Variants in SESTD1 observed in about 807,000 individuals in gnomAD.
SESTD1 encodes the protein SEC14 and spectrin domain containing 1.
Under a neutral mutation model 101.7 loss-of-function variants are expected in SESTD1, and 43 were observed. The observed-to-expected ratio is 0.42, with a 90% confidence interval of 0.33 to 0.55. The LOEUF (loss-of-function observed/expected upper bound fraction) is 0.55. SESTD1 is among the 20% of genes least tolerant of loss of function. SESTD1 has a pLI of 0.07. For synonymous variants in SESTD1, 283 were observed against 286.8 expected, an observed-to-expected ratio of 0.99 and a Z score of 0.13; for missense variants, 647 against 815.1, an observed-to-expected ratio of 0.79 and a Z score of 2.51.
chr2:179,158,218 T>C (rs1331254017), intron 5 of SESTD1, among the ~76,000 whole-genome samples: 1 of 152,186 alleles, frequency 6.6e-6, no homozygotes, highest in Non-Finnish European at 1.5e-5. Context: ...ATCTATGATG[T>C]TTCTTTAAGC....
At chr2:179,141,892 A>G (rs2105439454) in intron 9 of SESTD1, among the ~76,000 whole-genome samples, 1 of 152,348 alleles carries the variant, frequency 6.6e-6, no homozygotes, top group South Asian at 2.1e-4. Flanking sequence ...GGAAAAAGCC[A>G]CATACAATTA....
At chr2:179,229,853 A>C (rs2046956703) in intron 1 of SESTD1, among the ~76,000 whole-genome samples, 1 of 146,788 alleles carries the variant, frequency 6.8e-6, no homozygotes, top group Admixed American at 6.8e-5. Context: ...TCTCCCTCAA[A>C]AGGTGAAAAA....
rs183240629 is a variant in SESTD1, at chr2:179,103,479, C to G, written c.*6420G>C. ...GAAAACCTATGTTCACAAAGACTTA[C>G]GTAAGAATGGTCATAGCAGCTTTAT... On this transcript the variant is annotated 3_prime_UTR_variant, in exon 18 of 18. Coordinates refer to ENST00000428443, the MANE Select transcript of SESTD1 (RefSeq NM_178123.5). 1 of 152,120 alleles carries G rather than the reference C, an allele frequency of 6.6e-6. No homozygotes were observed. Among genetic ancestry groups the G allele is most frequent in the South Asian group, 2.1e-4 (1 of 4,820 alleles). 9.4% of individuals were successfully genotyped at this position (152,120 alleles called of 1,614,324 possible).
intron 1 of SESTD1, among the ~76,000 whole-genome samples, chr2:179,256,647 C>T (rs2047397832): frequency 6.6e-6 from 1 of 151,916 alleles, no homozygotes; most frequent in Non-Finnish European, 1.5e-5. Context: ...CCCATCTCTA[C>T]TCAAAATACA....
intron 1 of SESTD1, among the ~76,000 whole-genome samples, chr2:179,218,431 A>C (rs188831066): frequency 6.6e-6 from 1 of 152,386 alleles, no homozygotes; most frequent in Admixed American, 6.5e-5. Flanking sequence ...ACCTATTTTA[A>C]GTCATAGTTC....
At chr2:179,165,175 A>G (rs1485808303) in intron 5 of SESTD1, among the ~76,000 whole-genome samples, 1 of 152,208 alleles carries the variant, frequency 6.6e-6, no homozygotes, top group Admixed American at 6.5e-5. Context: ...TGGGCTTTTA[A>G]TAAGTGCCTA....
intron 1 of SESTD1, among the ~76,000 whole-genome samples, chr2:179,241,661 G>A (rs765324179): frequency 1.1e-4 from 17 of 151,942 alleles, no homozygotes; most frequent in Non-Finnish European, 2.5e-4. Context: ...AGTGGCTCAC[G>A]CATGTAATCC....
chr2:179,166,686 G>C (rs2045840746), intron 5 of SESTD1, among the ~76,000 whole-genome samples: 1 of 152,148 alleles, frequency 6.6e-6, no homozygotes, highest in Non-Finnish European at 1.5e-5. Context: ...TATACAGAAA[G>C]ACTTTCTCTG....
Position 179,105,404 on chromosome 2 carries a change from A to G in SESTD1, c.*4495T>C, listed in dbSNP as rs541227770. 1.3e-5 allele frequency: 2 copies of G among 152,130 alleles called. No individual in the cohort carries two copies. The highest frequency in any genetic ancestry group is 3.9e-4 in the East Asian group (2 of 5,178). The allele number at this position is 152,130 out of a possible 1,614,324, so 9.4% of individuals were successfully genotyped here. A position where few individuals can be genotyped will look rare whatever the true frequency, so the allele number is the denominator to read the frequency against. On this transcript the variant is annotated 3_prime_UTR_variant, in exon 18 of 18. Coordinates refer to ENST00000428443, the MANE Select transcript of SESTD1 (RefSeq NM_178123.5). The stretch of plus-strand genomic sequence containing the variant: ...CTATTATCTTCCTACAAAAATAGCT[A>G]ATTTGTCAGATTTCAAAGCCTTGTT...
intron 10 of SESTD1, among the ~76,000 whole-genome samples, chr2:179,129,985 C>T (rs1342032374): frequency 9.9e-5 from 15 of 152,092 alleles, no homozygotes; most frequent in Admixed American, 9.8e-4. Context: ...TCAATCTGTT[C>T]CTACCTCCCA....
At chr2:179,111,866 C>T (rs562465756) in intron 17 of SESTD1, among the ~76,000 whole-genome samples, 1 of 151,956 alleles carries the variant, frequency 6.6e-6, no homozygotes, top group Non-Finnish European at 1.5e-5. Context: ...ACTACAGGCA[C>T]CCGCCACCAC....
chr2:179,200,055 C>T (rs959929145), intron 1 of SESTD1, among the ~76,000 whole-genome samples: 2 of 152,192 alleles, frequency 1.3e-5, no homozygotes, highest in African/African-American at 4.8e-5. Context: ...TCCGCTTAAG[C>T]TGATAAGCAA....
At chr2:179,205,531 A>G (rs1477370145) in intron 1 of SESTD1, among the ~76,000 whole-genome samples, 1 of 135,392 alleles carries the variant, frequency 7.4e-6, no homozygotes, top group Non-Finnish European at 1.6e-5. Flanking sequence ...GCAAACTATG[A>G]TATCCAGAAG....
At chr2:179,189,300 C>A (rs1274127575) in intron 2 of SESTD1, among the ~76,000 whole-genome samples, 4 of 152,126 alleles carry the variant, frequency 2.6e-5, no homozygotes, top group Non-Finnish European at 5.9e-5. Context: ...TGAGTCACCA[C>A]ATAAACAGAA....
At chr2:179,119,474 T>A (rs914976088) in intron 13 of SESTD1, among the ~76,000 whole-genome samples, 4 of 152,172 alleles carry the variant, frequency 2.6e-5, no homozygotes, top group Non-Finnish European at 4.4e-5. Context: ...TGTCCCCACT[T>A]AAATCTAACA....
At chr2:179,167,877 C>T (rs993238093) in intron 5 of SESTD1, among the ~76,000 whole-genome samples, 4 of 152,120 alleles carry the variant, frequency 2.6e-5, no homozygotes, top group African/African-American at 9.7e-5. Flanking sequence ...ATTCTCCTGT[C>T]TCAGCCTCCC....
intron 2 of SESTD1, among the ~76,000 whole-genome samples, chr2:179,185,677 C>T (rs182000859): frequency 8.8e-4 from 44 of 49,730 alleles, no homozygotes; most frequent in Admixed American, 1.2e-3. Flanking sequence ...TATAATATAG[C>T]ATATTATATA....
chr2:179,200,168 A>G (rs933547106), intron 1 of SESTD1, among the ~76,000 whole-genome samples: 1 of 151,968 alleles, frequency 6.6e-6, no homozygotes, highest in African/African-American at 2.4e-5. Context: ...ACTCCCATTC[A>G]CAATTGCTTC....
chr2:179,126,905 T>C (rs893857269), intron 10 of SESTD1, among the ~76,000 whole-genome samples: 2 of 152,312 alleles, frequency 1.3e-5, no homozygotes, highest in South Asian at 2.1e-4. Flanking sequence ...CTTCTATCAA[T>C]TCTCATTACT....
Sources: allele counts gnomAD v4.1 joint callset (sites outside exome capture counted in the v4.1 genomes callset), GRCh38; gene constraint gnomAD v4.1.1; transcripts MANE v1.5; gene names NCBI Gene and HGNC (gene_info 2026-07-23, HGNC 2026-07-21).